The following TRUB1 variants were observed in gnomAD, a reference collection of about 807,000 sequenced individuals.
TRUB1 encodes TruB pseudouridine synthase family member 1.
A neutral mutation model predicts 33.9 loss-of-function variants in TRUB1; 23 were observed. That is an observed-to-expected ratio of 0.68 (90% CI 0.49 to 0.96). The LOEUF is 0.96. Among genes scored for constraint, TRUB1 ranks in the 40% least tolerant of loss-of-function variants. TRUB1 has a pLI of 0.00. For synonymous variants in TRUB1, 163 were observed against 165.4 expected, an observed-to-expected ratio of 0.99 and a Z score of 0.11; for missense variants, 378 against 422.2, an observed-to-expected ratio of 0.90 and a Z score of 0.92.
intron 3 of TRUB1, among the ~76,000 whole-genome samples, chr10:114,955,844 AG>A (rs1226032428): frequency 6.6e-6 from 1 of 152,198 alleles, no homozygotes; most frequent in Non-Finnish European, 1.5e-5. Flanking sequence ...AAAATTTTAA[AG>A]GGCTTATACT....
chr10:114,972,114 C>G, intron 5 of TRUB1, 21 bp from the exon 6 acceptor site: 2 of 1,611,244 alleles, frequency 1.2e-6, no homozygotes, highest in Non-Finnish European at 1.7e-6. Flanking sequence ...CCTTCCATTT[C>G]TCCTTCTCTC....
intron 3 of TRUB1, among the ~76,000 whole-genome samples, chr10:114,956,704 C>A (rs1440462233): frequency 6.6e-6 from 1 of 152,032 alleles, no homozygotes; most frequent in Non-Finnish European, 1.5e-5. Flanking sequence ...CCCACAAATA[C>A]ATGGTAGAGT....
intron 3 of TRUB1, among the ~76,000 whole-genome samples, chr10:114,956,887 A>G (rs527294930): frequency 6.6e-6 from 1 of 152,332 alleles, no homozygotes; most frequent in East Asian, 1.9e-4. Context: ...AGGAGTTCTG[A>G]AAGCAAAATG....
Position 114,959,730 on chromosome 10 carries a change from A to G in TRUB1, c.446A>G (p.Tyr149Cys). 6.2e-7 allele frequency: 1 copy of G among 1,603,658 alleles called. No individual in the cohort carries two copies. Among genetic ancestry groups the G allele is most frequent in the South Asian group, 1.1e-5 (1 of 90,824 alleles). Reference protein sequence around the residue: ...LTSMLSGSKRYTAIGELGKAT... With the variant: ...LTSMLSGSKRCTAIGELGKAT... Reference sequence around the variant, plus strand: ...CTCTTGTTTCCCTTCCTCTAGAGATATACTGCCATTGGAGAACTGGGGAAA... The same window carrying G: ...CTCTTGTTTCCCTTCCTCTAGAGATGTACTGCCATTGGAGAACTGGGGAAA... The change falls in exon 4 of 8, where the codon TAT (tyrosine) becomes TGT (cysteine). Residue 149 changes from tyrosine (Y) to cysteine (C), a missense_variant. Tyr to Cys is a radical substitution (Grantham distance 194). Transcript: ENST00000298746.
At chr10:114,966,625 A>G (rs913429204) in intron 4 of TRUB1, among the ~76,000 whole-genome samples, 2 of 152,134 alleles carry the variant, frequency 1.3e-5, no homozygotes, top group African/African-American at 4.8e-5. Flanking sequence ...GAAATAAGAT[A>G]TCTCTCTTCA....
chr10:114,967,182 G>A (rs905014612), intron 4 of TRUB1, among the ~76,000 whole-genome samples: 19 of 152,268 alleles, frequency 1.2e-4, no homozygotes, highest in African/African-American at 4.1e-4. Context: ...TCTCTGTTCA[G>A]TGAGATCACT....
At chr10:114,940,883 A>G (rs1297457748) in intron 1 of TRUB1, among the ~76,000 whole-genome samples, 1 of 152,168 alleles carries the variant, frequency 6.6e-6, no homozygotes, top group Non-Finnish European at 1.5e-5. Flanking sequence ...GTTTATGTCA[A>G]AGCAGACAAC....
At chr10:114,939,826 C>T (rs7088275) in intron 1 of TRUB1, among the ~76,000 whole-genome samples, 11,817 of 54,554 alleles carry the variant, frequency 0.22, 938 homozygotes, top group African/African-American at 0.48. Context: ...GGTTTCTTTT[C>T]TTTTTTTTTT....
intron 3 of TRUB1, among the ~76,000 whole-genome samples, chr10:114,952,418 G>T (rs1229497878): frequency 1.3e-5 from 2 of 152,232 alleles, no homozygotes; most frequent in African/African-American, 4.8e-5. Flanking sequence ...GCCAGCGTGG[G>T]TGACAGAGTG....
chr10:114,953,660 A>G (rs1056203930), intron 3 of TRUB1, among the ~76,000 whole-genome samples: 1 of 152,188 alleles, frequency 6.6e-6, no homozygotes, highest in African/African-American at 2.4e-5. Flanking sequence ...GTGTTGCTGT[A>G]AAGGAGTAGT....
chr10:114,953,251 A>G (rs574527807), intron 3 of TRUB1, among the ~76,000 whole-genome samples: 8 of 152,342 alleles, frequency 5.3e-5, no homozygotes, highest in Admixed American at 1.3e-4. Flanking sequence ...CAGTGAAATC[A>G]CTGATCCTCA....
At chr10:114,942,031 G>A (rs944307683) in intron 1 of TRUB1, among the ~76,000 whole-genome samples, 15 of 151,466 alleles carry the variant, frequency 9.9e-5, no homozygotes, top group African/African-American at 3.2e-4. Flanking sequence ...TGATCCGCCC[G>A]CTTCGGCCTC....
Position 114,938,216 on chromosome 10 carries a change from T to C in TRUB1, c.-38T>C. ...GCGCACTCTTGTTGCATCATCAGCG[T>C]GCACCTCCACGATGAAACAGGTCTG... On this transcript the variant is annotated 5_prime_UTR_variant, in exon 1 of 8. Coordinates refer to ENST00000298746, the MANE Select transcript of TRUB1 (RefSeq NM_139169.5). 6.2e-7 allele frequency: 1 copy of C among 1,604,406 alleles called. No homozygotes were observed. The highest frequency in any genetic ancestry group is 8.5e-7 in the Non-Finnish European group (1 of 1,176,982).
At chr10:114,970,960 G>C (rs2084334305) in intron 5 of TRUB1, among the ~76,000 whole-genome samples, 1 of 152,210 alleles carries the variant, frequency 6.6e-6, no homozygotes, top group Middle Eastern at 3.4e-3. Context: ...TCTTAGTTTG[G>C]GCTGCAGTAA....
chr10:114,946,232 C>T (rs371593949), intron 2 of TRUB1, among the ~76,000 whole-genome samples: 27 of 152,220 alleles, frequency 1.8e-4, no homozygotes, highest in African/African-American at 6.3e-4. Flanking sequence ...AAGAAGATAA[C>T]GTCTACCAAA....
intron 3 of TRUB1, among the ~76,000 whole-genome samples, chr10:114,958,067 T>C (rs550254278): frequency 1.3e-5 from 2 of 152,348 alleles, no homozygotes; most frequent in African/African-American, 4.8e-5. Context: ...ATTATTGTTT[T>C]CCACATTTTA....
intron 3 of TRUB1, among the ~76,000 whole-genome samples, chr10:114,957,504 T>C (rs2084266638): frequency 6.6e-6 from 1 of 152,236 alleles, no homozygotes; most frequent in Non-Finnish European, 1.5e-5. Flanking sequence ...GTGGATTTGA[T>C]ATATGCCTTC....
At position 114,975,233 on chromosome 10, in the gene TRUB1, C is replaced by G; in HGVS notation, c.904C>G (p.Gln302Glu). 1 of 1,613,700 alleles carries G rather than the reference C, an allele frequency of 6.2e-7. No individual in the cohort carries two copies. The highest frequency in any genetic ancestry group is 1.1e-5 in the South Asian group (1 of 91,072). The change falls in exon 8 of 8, where the codon CAG becomes GAG. Residue 302 changes from glutamine to glutamate, a missense_variant. Gln to Glu is a conservative substitution (Grantham distance 29). Coordinates refer to ENST00000298746, the MANE Select transcript of TRUB1 (RefSeq NM_139169.5). ...CAAATGGACAATTGATGACATTGCA[C>G]AGTCTCTTGAGCATTGCTCATCTCT... ...EDKWTIDDIA[Q>E]SLEHCSSLFP...
intron 4 of TRUB1, chr10:114,960,067 CA>C: frequency 2.6e-6 from 1 of 380,374 alleles, no homozygotes; most frequent in Non-Finnish European, 4.7e-6. Flanking sequence ...AACCTCCTTG[CA>C]AAAGCATGTA....
Sources: allele counts gnomAD v4.1 joint callset (sites outside exome capture counted in the v4.1 genomes callset), GRCh38; gene constraint gnomAD v4.1.1; transcripts MANE v1.5; gene names NCBI Gene and HGNC (gene_info 2026-07-23, HGNC 2026-07-21).